DENND1A: variants seen among roughly 807,000 people sequenced by gnomAD.
DENND1A encodes DENN domain containing 1A, also known as DENN domain-containing protein 1A.
A neutral mutation model predicts 113.7 loss-of-function variants in DENND1A; 51 were observed. The observed-to-expected ratio is 0.45, with a 90% CI of 0.36 to 0.57. The LOEUF is 0.57. DENND1A is among the 20% of genes least tolerant of loss of function. DENND1A has a pLI of 0.00. For missense variants in DENND1A, 1,258 were observed against 1,395.9 expected (o/e 0.90, Z 1.57); for synonymous variants, 565 against 570.8 (o/e 0.99, Z 0.14).
At chr9:123,508,734 G>C (rs917714980) in intron 13 of DENND1A, among the ~76,000 whole-genome samples, 2 of 152,214 alleles carry the variant, frequency 1.3e-5, no homozygotes, top group African/African-American at 4.8e-5. Flanking sequence ...ATCAGGTGAA[G>C]TGTGAAGTGT....
intron 20 of DENND1A, among the ~76,000 whole-genome samples, chr9:123,406,209 A>T (rs2043840164): frequency 6.6e-6 from 1 of 152,170 alleles, no homozygotes; most frequent in African/African-American, 2.4e-5. Context: ...ATCTAACCAA[A>T]GTTTTTCCTG....
At chr9:123,685,019 A>T (rs955249018) in intron 5 of DENND1A, among the ~76,000 whole-genome samples, 9 of 152,172 alleles carry the variant, frequency 5.9e-5, no homozygotes, top group Admixed American at 5.2e-4. Flanking sequence ...AAGTCAGGAG[A>T]CCCACCTGGG....
chr9:123,879,906 G>C (rs780941880), intron 1 of DENND1A, among the ~76,000 whole-genome samples: 1 of 152,154 alleles, frequency 6.6e-6, no homozygotes, highest in Non-Finnish European at 1.5e-5. Flanking sequence ...ATAAGTTCAC[G>C]ATCTTCAGGA....
At chr9:123,797,075 G>A (rs557786515) in intron 2 of DENND1A, among the ~76,000 whole-genome samples, 45 of 152,234 alleles carry the variant, frequency 3.0e-4, no homozygotes, top group Middle Eastern at 3.4e-3. Flanking sequence ...TTTAATGCCC[G>A]CTGAATTTAC....
rs1288624635 is a variant in DENND1A at position 123,929,947 on chromosome 9, G to A, written c.-42C>T. On this transcript the variant is annotated 5_prime_UTR_variant, in exon 1 of 24. Coordinates refer to ENST00000394215, the MANE Select transcript of DENND1A (RefSeq NM_001352964.2). ...CATGGGCCCGCGGGCCCCGCTCGGCGCTGCGCTGCCCGCCCGCCCGCGGCC... is the reference window on the plus strand; with the variant it reads ...CATGGGCCCGCGGGCCCCGCTCGGCACTGCGCTGCCCGCCCGCCCGCGGCC... 2 of 303,212 alleles carry A rather than the reference G, an allele frequency of 6.6e-6. No homozygotes were observed. The highest frequency in any genetic ancestry group is 1.0e-3 in the Middle Eastern group (1 of 1,002). 18.8% of individuals were successfully genotyped at this position (303,212 alleles called of 1,614,324 possible).
chr9:123,698,592 T>C (rs2065672623), intron 5 of DENND1A, among the ~76,000 whole-genome samples: 1 of 152,230 alleles, frequency 6.6e-6, no homozygotes, highest in Non-Finnish European at 1.5e-5. Flanking sequence ...TGTCCTAGGG[T>C]ACAGACTACT....
chr9:123,508,345 T>G (rs10986033), intron 13 of DENND1A, among the ~76,000 whole-genome samples: 37,485 of 152,188 alleles, frequency 0.25, 4,654 homozygotes, highest in South Asian at 0.29. Flanking sequence ...ACAGCCATTT[T>G]AAATTAAATG....
At chr9:123,848,228 TAAA>T (rs375535777) in intron 2 of DENND1A, among the ~76,000 whole-genome samples, 742 of 60,418 alleles carry the variant, frequency 0.012, 4 homozygotes, top group African/African-American at 0.048. Flanking sequence ...GATACTGCTT[TAAA>T]AAAAAAAAAA....
At chr9:123,416,725 G>A (rs905027101) in intron 19 of DENND1A, among the ~76,000 whole-genome samples, 2 of 152,236 alleles carry the variant, frequency 1.3e-5, no homozygotes, top group East Asian at 1.9e-4. Context: ...AGTTTTCTTC[G>A]ATGGTCAACG....
chr9:123,729,716 T>C (rs1331125843), intron 5 of DENND1A, among the ~76,000 whole-genome samples: 1 of 152,182 alleles, frequency 6.6e-6, no homozygotes, highest in Non-Finnish European at 1.5e-5. Flanking sequence ...GCTATCCCTA[T>C]CAAGCTACCA....
At chr9:123,830,213 A>G (rs1259363970) in intron 2 of DENND1A, among the ~76,000 whole-genome samples, 1 of 152,178 alleles carries the variant, frequency 6.6e-6, no homozygotes, top group Non-Finnish European at 1.5e-5. Context: ...CTTTATGTTG[A>G]GTGAAAGAAG....
intron 13 of DENND1A, among the ~76,000 whole-genome samples, chr9:123,473,855 C>T (rs887224134): frequency 2.0e-5 from 3 of 152,142 alleles, no homozygotes; most frequent in Non-Finnish European, 2.9e-5. Context: ...AGCAACACTG[C>T]GCCCAGTATG....
intron 13 of DENND1A, among the ~76,000 whole-genome samples, chr9:123,534,519 A>AT (rs1488526570): frequency 1.3e-5 from 2 of 152,224 alleles, no homozygotes. Context: ...CCTAGCCTAA[A>AT]TGTGCAAGAG....
At chr9:123,664,719 AT>A (rs1258692758) in intron 8 of DENND1A, among the ~76,000 whole-genome samples, 1 of 152,180 alleles carries the variant, frequency 6.6e-6, no homozygotes, top group African/African-American at 2.4e-5. Flanking sequence ...ATAGATGAAT[AT>A]TTTTAAACCT....
At chr9:123,767,743 CAT>C (rs1050531183) in intron 4 of DENND1A, among the ~76,000 whole-genome samples, 43 of 152,214 alleles carry the variant, frequency 2.8e-4, no homozygotes, top group African/African-American at 9.1e-4. Context: ...CATTAGTAAA[CAT>C]TAATAGGATT....
intron 2 of DENND1A, among the ~76,000 whole-genome samples, chr9:123,855,770 G>A (rs1039194824): frequency 6.6e-6 from 1 of 152,176 alleles, no homozygotes. Flanking sequence ...AGGTGCGGCG[G>A]CTCACACCTG....
At chr9:123,714,400 G>C (rs1357272280) in intron 5 of DENND1A, among the ~76,000 whole-genome samples, 1 of 152,134 alleles carries the variant, frequency 6.6e-6, no homozygotes, top group Non-Finnish European at 1.5e-5. Context: ...TCAGGAGTTC[G>C]AGACCGGCCT....
At chr9:123,572,040 T>C (rs1262210703) in intron 12 of DENND1A, among the ~76,000 whole-genome samples, 1 of 152,238 alleles carries the variant, frequency 6.6e-6, no homozygotes, top group African/African-American at 2.4e-5. Context: ...ATTCACCATC[T>C]TTAGTGAATA....
At chr9:123,599,143 G>C (rs1044549416) in intron 11 of DENND1A, among the ~76,000 whole-genome samples, 1 of 152,324 alleles carries the variant, frequency 6.6e-6, no homozygotes, top group Middle Eastern at 3.4e-3. Context: ...GCAAAGGCCT[G>C]AACTTAGATC....
Sources: gnomAD v4.1 joint callset for allele counts (sites outside exome capture counted in the v4.1 genomes callset) on GRCh38, gnomAD v4.1.1 for gene constraint, MANE v1.5 for transcripts, NCBI Gene and HGNC (gene_info 2026-07-23, HGNC 2026-07-21) for gene names.